The following RNF135 variants were observed in gnomAD, a reference collection of about 807,000 sequenced individuals.
RNF135 encodes the protein E3 ubiquitin-protein ligase RNF135.
In RNF135, 46 loss-of-function variants were observed where a neutral mutation model predicts 41.9. That is an observed-to-expected ratio of 1.10 (90% CI 0.87 to 1.40). The LOEUF is 1.40. RNF135 is among the 40% of genes most tolerant of loss of function. The pLI, the probability that RNF135 is intolerant of heterozygous loss-of-function variation, is 0.00. For synonymous variants in RNF135, 238 were observed against 223.8 expected (o/e 1.06, Z -0.57); for missense variants, 539 against 549.8 (o/e 0.98, Z 0.20).
At chr17:30,969,613 T>A (rs1369252875), upstream of RNF135, among the ~76,000 whole-genome samples, 3 of 152,094 alleles carry the variant, frequency 2.0e-5, no homozygotes, top group African/African-American at 7.2e-5. Flanking sequence ...GTGTTTCAAG[T>A]GGGTCAGGGA....
the RNF135 span, among the ~76,000 whole-genome samples, chr17:30,960,779 G>T: frequency 5.1e-5 from 7 of 137,224 alleles, no homozygotes; most frequent in South Asian, 1.6e-3. Flanking sequence ...TTGCTCTGTC[G>T]CCCAGGCTGG....
chr17:30,970,718 A>C, upstream of RNF135: 2 of 304,598 alleles, frequency 6.6e-6, no homozygotes, highest in Non-Finnish European at 1.2e-5. Flanking sequence ...TTTGTTGTTT[A>C]TTTTTTTTTA....
chr17:30,969,759 CTTTTTTTTTTTTTT>C (rs757330088), upstream of RNF135, among the ~76,000 whole-genome samples: 1 of 122,616 alleles, frequency 8.2e-6, no homozygotes, highest in Non-Finnish European at 1.8e-5. Context: ...TCTTTTTTTT[CTTTTTTTTTTTTTT>C]TTTTTTTTTG....
intron 1 of RNF135, chr17:30,980,303 C>T (rs1381410399): frequency 5.7e-5 from 8 of 139,956 alleles, no homozygotes; most frequent in African/African-American, 2.2e-4. Flanking sequence ...GCGCCCCTCA[C>T]CTCCCGGACG....
chr17:30,964,624 T>A, the RNF135 span, among the ~76,000 whole-genome samples: 2 of 151,126 alleles, frequency 1.3e-5, no homozygotes, highest in African/African-American at 4.9e-5. Flanking sequence ...AACAAAAACA[T>A]GTTAATGGCA....
At chr17:30,977,000 GTCTTC>G (rs1177213951) in intron 1 of RNF135, among the ~76,000 whole-genome samples, 1 of 151,940 alleles carries the variant, frequency 6.6e-6, no homozygotes, top group Non-Finnish European at 1.5e-5. Context: ...TTGTTTTGTG[GTCTTC>G]TCTTCCTTCT....
At position 30,988,255 on chromosome 17, in the gene RNF135, A is replaced by G. The variant is rs191776716; in HGVS notation, c.679+149A>G. On this transcript the variant is annotated intron_variant, in intron 3 of 4. Coordinates refer to ENST00000328381, the MANE Select transcript of RNF135 (RefSeq NM_032322.4). ...TCGTGAATCAGGTAGGGGTGGGCTG[A>G]AGTGATTTTGTGGCTGAATATGTTT... 317 of 786,264 alleles carry G rather than the reference A, an allele frequency of 4.0e-4. 2 individuals carry two copies. In the African/African-American group the frequency reaches 5.0e-3, roughly 12 times the overall value. 48.7% of individuals were successfully genotyped at this position (786,264 alleles called of 1,614,324 possible).
chr17:30,975,777 T>C, intron 1 of RNF135: 1 of 1,108,506 alleles, frequency 9.0e-7, no homozygotes, highest in Non-Finnish European at 1.4e-6. Flanking sequence ...TCTTTCCAGC[T>C]CATCCTGTAC....
Position 30,998,045 on chromosome 17 carries a change from G to A in RNF135, c.770-617G>A, listed in dbSNP as rs1380299218. Among the ~76,000 whole-genome samples, 3 of 152,338 alleles carry A rather than the reference G, an allele frequency of 2.0e-5. No individual in the cohort carries two copies. In the East Asian group the frequency reaches 5.8e-4, roughly 29 times the overall value. On this transcript the variant is annotated intron_variant, in intron 4 of 4. Coordinates refer to ENST00000328381, the MANE Select transcript of RNF135 (RefSeq NM_032322.4). The stretch of plus-strand genomic sequence containing the variant: ...GGTCATAAATCACCATAAGACGGGC[G>A]TGAGCCACCGCACCTTGCCTACGCC...
chr17:30,970,970 C>A, upstream of RNF135: 2 of 1,475,510 alleles, frequency 1.4e-6, no homozygotes, highest in East Asian at 2.5e-5. Flanking sequence ...GAAAAGGCGG[C>A]CGAGAAAAGG....
chr17:30,975,927 C>T lies in RNF135; in HGVS notation c.372+4482C>T, dbSNP rs1294358766. On this transcript the variant is annotated intron_variant, in intron 1 of 4. Coordinates refer to ENST00000328381, the MANE Select transcript of RNF135 (RefSeq NM_032322.4). ...GCTCCAAGCTTCAATTCTGACTCTT[C>T]TGCCTGTTCATCTCTACAAAGTTGA... 11 of 576,390 alleles carry T rather than the reference C, an allele frequency of 1.9e-5. No individual in the cohort carries two copies. In the Admixed American group the frequency reaches 2.5e-4, roughly 13 times the overall value. 35.7% of individuals were successfully genotyped at this position (576,390 alleles called of 1,614,324 possible). A position where few individuals can be genotyped will look rare whatever the true frequency, so the allele number is the denominator to read the frequency against.
At chr17:30,960,868 T>C in the RNF135 span, among the ~76,000 whole-genome samples, 1 of 150,650 alleles carries the variant, frequency 6.6e-6, no homozygotes, top group Non-Finnish European at 1.5e-5. Flanking sequence ...GCCTCCCGAG[T>C]AGCTGGGACT....
At chr17:30,963,555 C>A in the RNF135 span, among the ~76,000 whole-genome samples, 4 of 150,152 alleles carry the variant, frequency 2.7e-5, no homozygotes. Context: ...GCCTGGGTGA[C>A]AGAGTGAGAC....
At chr17:30,971,517 T>C (rs1905945913) in intron 1 of RNF135, 72 bp downstream of exon 1, 4 of 1,405,614 alleles carry the variant, frequency 2.8e-6, no homozygotes, top group Non-Finnish European at 3.7e-6. Context: ...CCCATGTGGC[T>C]CGAACCCCTT....
At chr17:30,970,845 G>A (rs933240779), upstream of RNF135, 1 of 618,174 alleles carries the variant, frequency 1.6e-6, no homozygotes, top group Non-Finnish European at 2.7e-6. Flanking sequence ...GGTTTCCCAG[G>A]GCAAGAGGCC....
intron 1 of RNF135, among the ~76,000 whole-genome samples, chr17:30,976,963 CA>C (rs1292962717): frequency 6.6e-6 from 1 of 152,024 alleles, no homozygotes; most frequent in African/African-American, 2.4e-5. Context: ...TAATTCTTGC[CA>C]TTTTGTTATT....
chr17:30,997,208 G>GA, intron 3 of RNF135, 34 bp from the exon 4 acceptor site: 1 of 1,567,080 alleles, frequency 6.4e-7, no homozygotes, highest in Non-Finnish European at 8.8e-7. Flanking sequence ...TTTTTCTGAT[G>GA]GGACTTTCCT....
chr17:30,980,343 C>A (rs1335047968), intron 1 of RNF135: 1 of 148,502 alleles, frequency 6.7e-6, no homozygotes, highest in Non-Finnish European at 1.5e-5. Context: ...GGGCTGAGCC[C>A]CCCACCTCCC....
rs1368709700 is a variant in RNF135 at position 30,983,337 on chromosome 17, ATATATATATATATATATT to A, written c.373-1278_373-1261del. Among the ~76,000 whole-genome samples, 82 of 25,692 alleles carry A rather than the reference ATATATATATATATATATT, an allele frequency of 3.2e-3. 2 individuals carry two copies. The highest frequency in any genetic ancestry group is 5.8e-3 in the Non-Finnish European group (57 of 9,792). 16.9% of individuals were successfully genotyped at this position (25,692 alleles called of 152,430 possible). On this transcript the variant is annotated intron_variant, in intron 1 of 4. Coordinates refer to ENST00000328381, the MANE Select transcript of RNF135 (RefSeq NM_032322.4). ...TATATGTACATATATATATATATAT[ATATATATATATATATATT>A]TTTTTTTTTTTTTTTTGAGATGGAG...
Sources: allele counts gnomAD v4.1 joint callset (sites outside exome capture counted in the v4.1 genomes callset), GRCh38; gene constraint gnomAD v4.1.1; transcripts MANE v1.5; gene names NCBI Gene and HGNC (gene_info 2026-07-23, HGNC 2026-07-21).